The following GPR139 variants were observed in gnomAD, a reference collection of about 807,000 sequenced individuals.
GPR139 encodes probable G protein-coupled receptor 139.
In GPR139, 12 loss-of-function variants were observed where a neutral mutation model predicts 25.8. The observed-to-expected ratio is 0.47, with a 90% CI of 0.30 to 0.75. The LOEUF (loss-of-function observed/expected upper bound fraction) is 0.75, where lower values mean the gene tolerates loss of function less well. GPR139 is among the 30% of genes least tolerant of loss of function. The pLI, the probability that GPR139 is intolerant of heterozygous loss-of-function variation, is 0.07. For missense variants in GPR139, 380 were observed against 450.2 expected, an observed-to-expected ratio of 0.84 and a Z score of 1.41; for synonymous variants, 184 against 179.9, an observed-to-expected ratio of 1.02 and a Z score of -0.18.
rs187219568 is a variant in GPR139 at position 20,049,229 on chromosome 16, C to T, written c.128-16560G>A. ...AAAGAGTGATGGATGGATGGATGAA[C>T]GGATGGATAGATGGATGGATGGACT... is the stretch of plus-strand genomic sequence containing the variant. On this transcript the variant is annotated intron_variant, in intron 1 of 1. Transcript: ENST00000570682. 1.2e-4 allele frequency among the ~76,000 whole-genome samples: 18 copies of T among 152,148 alleles called. No individual in the cohort carries two copies. In the South Asian group the frequency reaches 2.1e-3, roughly 18 times the overall value.
intron 1 of GPR139, among the ~76,000 whole-genome samples, chr16:20,061,829 T>C (rs1055313337): frequency 6.6e-6 from 1 of 152,238 alleles, no homozygotes; most frequent in African/African-American, 2.4e-5. Flanking sequence ...GCTGCACTGC[T>C]GCAATGGCCA....
At chr16:20,045,135 G>C (rs1430364520) in intron 1 of GPR139, among the ~76,000 whole-genome samples, 1 of 151,764 alleles carries the variant, frequency 6.6e-6, no homozygotes, top group Non-Finnish European at 1.5e-5. Flanking sequence ...GAGATGCTGG[G>C]ATTACAGGCA....
chr16:20,038,298 A>C (rs566752983), intron 1 of GPR139, among the ~76,000 whole-genome samples: 3 of 151,062 alleles, frequency 2.0e-5, no homozygotes, highest in Non-Finnish European at 4.4e-5. Flanking sequence ...ACACACATAC[A>C]TACAGGTTTA....
intron 1 of GPR139, among the ~76,000 whole-genome samples, chr16:20,047,000 G>A (rs1450511329): frequency 6.6e-6 from 1 of 152,138 alleles, no homozygotes; most frequent in Non-Finnish European, 1.5e-5. Context: ...TAGCTCAGGA[G>A]TTAGAGGCCG....
intron 1 of GPR139, among the ~76,000 whole-genome samples, chr16:20,064,102 TAA>T: frequency 6.6e-6 from 1 of 152,278 alleles, no homozygotes; most frequent in Admixed American, 6.5e-5. Context: ...AAGCAACCCT[TAA>T]TCTAATAATT....
intron 1 of GPR139, among the ~76,000 whole-genome samples, chr16:20,066,850 T>A (rs941470315): frequency 7.2e-5 from 11 of 152,220 alleles, no homozygotes; most frequent in Admixed American, 1.3e-4. Flanking sequence ...AGAAGTATTG[T>A]TATTCCATCT....
At chr16:20,071,361 G>A (rs2057458861) in intron 1 of GPR139, among the ~76,000 whole-genome samples, 1 of 152,194 alleles carries the variant, frequency 6.6e-6, no homozygotes, top group Non-Finnish European at 1.5e-5. Flanking sequence ...TTTTGGATAA[G>A]CCTGGCCTCC....
At chr16:20,066,547 A>G (rs16969509) in intron 1 of GPR139, among the ~76,000 whole-genome samples, 1,616 of 152,322 alleles carry the variant, frequency 0.011, 39 homozygotes, top group African/African-American at 0.036. Flanking sequence ...GGATTCATGG[A>G]AAAGACCTAT....
At chr16:20,034,419 A>G (rs1242377804) in intron 1 of GPR139, among the ~76,000 whole-genome samples, 1 of 152,234 alleles carries the variant, frequency 6.6e-6, no homozygotes, top group Admixed American at 6.5e-5. Flanking sequence ...GATACAGTTG[A>G]AGTCTCCTCT....
chr16:20,041,238 GAGGAGAGGAGA>G (rs1567236049), intron 1 of GPR139, among the ~76,000 whole-genome samples: 1 of 6,136 alleles, frequency 1.6e-4, no homozygotes, highest in Non-Finnish European at 3.9e-4. Flanking sequence ...GAGGAGAGGA[GAGGAGAGGAGA>G]GGGAAGGAGA....
intron 1 of GPR139, among the ~76,000 whole-genome samples, chr16:20,064,536 T>G (rs548841197): frequency 2.2e-4 from 34 of 152,322 alleles, no homozygotes; most frequent in Middle Eastern, 3.4e-3. Context: ...ACTGGGACTC[T>G]GCCTCAAACA....
At chr16:20,067,352 C>T (rs749138413) in intron 1 of GPR139, among the ~76,000 whole-genome samples, 11 of 152,250 alleles carry the variant, frequency 7.2e-5, no homozygotes, top group Non-Finnish European at 1.5e-4. Context: ...AATAATAACT[C>T]GGCCAAGGTC....
At chr16:20,065,902 T>C (rs2057432437) in intron 1 of GPR139, among the ~76,000 whole-genome samples, 1 of 149,894 alleles carries the variant, frequency 6.7e-6, no homozygotes, top group Non-Finnish European at 1.5e-5. Flanking sequence ...AAAAGTTAAA[T>C]AAGTTAATGC....
intron 1 of GPR139, among the ~76,000 whole-genome samples, chr16:20,038,695 G>A (rs916905867): frequency 6.6e-6 from 1 of 152,142 alleles, no homozygotes; most frequent in Non-Finnish European, 1.5e-5. Flanking sequence ...GGAGAAAGAA[G>A]TGTGAGCTGA....
In GPR139 at chr16:20,031,723, A is replaced by C; in HGVS notation, c.*12T>G. 2 of 1,605,522 alleles carry C rather than the reference A, an allele frequency of 1.2e-6. No homozygotes were observed. The highest frequency in any genetic ancestry group is 1.7e-6 in the Non-Finnish European group (2 of 1,172,754). ...GGATTAGACAGAGGCAGTAGTTGCCACACCTATGGAATCACGGGGATACTT... is the reference window on the plus strand; with the variant it reads ...GGATTAGACAGAGGCAGTAGTTGCCCCACCTATGGAATCACGGGGATACTT... On this transcript the variant is annotated 3_prime_UTR_variant, in exon 2 of 2. Transcript: ENST00000570682.
rs747782887 is a variant in GPR139 at position 20,032,044 on chromosome 16, G to T, written c.753C>A (p.His251Gln). ...GGTTCTGGATGGGCGCCCCATAGAG[G>T]TGGTAAAGAATCATGATGATGCGGG... ...WAPRIIMILY[H>Q]LYGAPIQNRW... Residue 251 changes from histidine to glutamine, a missense_variant, in exon 2 of 2, where the codon CAC (histidine) becomes CAA (glutamine). Transcript: ENST00000570682. 6.2e-7 allele frequency: 1 copy of T among 1,614,226 alleles called. No individual in the cohort carries two copies. Among genetic ancestry groups the T allele is most frequent in the Non-Finnish European group, 8.5e-7 (1 of 1,180,038 alleles).
chr16:20,035,375 GGTGA>G (rs1555465530), intron 1 of GPR139, among the ~76,000 whole-genome samples: 1 of 152,192 alleles, frequency 6.6e-6, no homozygotes, highest in Non-Finnish European at 1.5e-5. Context: ...AGAGAAAAAT[GGTGA>G]GTATGTCCTA....
At chr16:20,061,504 C>G (rs1201469458) in intron 1 of GPR139, among the ~76,000 whole-genome samples, 1 of 152,184 alleles carries the variant, frequency 6.6e-6, no homozygotes, top group African/African-American at 2.4e-5. Context: ...AATGCAGGTG[C>G]ATTGTCTGAT....
chr16:20,064,263 G>A (rs1004712534), intron 1 of GPR139, among the ~76,000 whole-genome samples: 2 of 152,052 alleles, frequency 1.3e-5, no homozygotes, highest in African/African-American at 2.4e-5. Flanking sequence ...AAAACACAGC[G>A]GCCATTACTG....
Sources: gnomAD v4.1 joint callset for allele counts (sites outside exome capture counted in the v4.1 genomes callset) on GRCh38, gnomAD v4.1.1 for gene constraint, MANE v1.5 for transcripts, NCBI Gene and HGNC (gene_info 2026-07-23, HGNC 2026-07-21) for gene names.